Variants in SIPA1L3 observed in about 807,000 individuals in gnomAD.
The protein encoded by SIPA1L3 is signal-induced proliferation-associated 1-like protein 3.
A neutral mutation model predicts 150.1 loss-of-function variants in SIPA1L3; 59 were observed. The ratio of observed to expected loss-of-function variants is 0.39; its 90% CI spans 0.32 to 0.49. The LOEUF (loss-of-function observed/expected upper bound fraction) is 0.49. Among genes scored for constraint, SIPA1L3 ranks in the 20% least tolerant of loss-of-function variants. The pLI is 0.86. For synonymous variants in SIPA1L3, 1,070 were observed against 1,077.6 expected (o/e 0.99, Z 0.14); for missense variants, 2,211 against 2,489.5 (o/e 0.89, Z 2.38).
chr19:38,067,205 C>G (rs1483270856), intron 2 of SIPA1L3, among the ~76,000 whole-genome samples: 2 of 152,154 alleles, frequency 1.3e-5, no homozygotes, highest in Admixed American at 1.3e-4. Context: ...CACCACTGCA[C>G]TCCAGACCAG....
In SIPA1L3 at chr19:38,206,316, C is replaced by G; in HGVS notation, c.*76C>G. The G allele has an allele frequency of 1.4e-6, 2 of 1,465,370 alleles. No individual in the cohort carries two copies. The highest frequency in any genetic ancestry group is 9.1e-7 in the Non-Finnish European group (1 of 1,096,262). 90.8% of individuals were successfully genotyped at this position (1,465,370 alleles called of 1,614,324 possible). A position where few individuals can be genotyped will look rare whatever the true frequency, so the allele number is the denominator to read the frequency against. On this transcript the variant is annotated 3_prime_UTR_variant, in exon 22 of 22. Transcript: ENST00000222345. ...GCTGCCTCTCTCCCTCCACTCAGCT[C>G]CCAGCTGCCGGTGTGACCAAGATGA...
intron 1 of SIPA1L3, among the ~76,000 whole-genome samples, chr19:37,977,635 A>G (rs1029009827): frequency 1.4e-5 from 2 of 147,936 alleles, no homozygotes; most frequent in Non-Finnish European, 3.0e-5. Flanking sequence ...GTCCCCAGGA[A>G]AAGTGGGCTG....
At position 38,005,942 on chromosome 19, in the gene SIPA1L3, G is replaced by A. The variant is rs1967929016; in HGVS notation, c.-378-23147G>A. Among the ~76,000 whole-genome samples, 3 of 152,198 alleles carry A rather than the reference G, an allele frequency of 2.0e-5. No homozygotes were observed. In the South Asian group the frequency reaches 6.2e-4, roughly 32 times the overall value. ...GTGCACCTGTGGTCCCAGCTACTTG[G>A]GAGGCTGAGGGGGGAAGATTGCTTA... On this transcript the variant is annotated intron_variant, in intron 1 of 21. Coordinates refer to ENST00000222345, the MANE Select transcript of SIPA1L3 (RefSeq NM_015073.3).
At chr19:38,118,937 G>A (rs959182718) in intron 8 of SIPA1L3, among the ~76,000 whole-genome samples, 13 of 152,130 alleles carry the variant, frequency 8.5e-5, no homozygotes, top group African/African-American at 2.7e-4. Flanking sequence ...GCTCACAGCT[G>A]TAATCCCAAC....
intron 2 of SIPA1L3, among the ~76,000 whole-genome samples, chr19:38,080,450 T>C (rs1410466300): frequency 6.6e-6 from 1 of 152,002 alleles, no homozygotes. Flanking sequence ...CATTGTAGAG[T>C]AGAGGAGACT....
intron 1 of SIPA1L3, among the ~76,000 whole-genome samples, chr19:38,006,759 G>C (rs1019031502): frequency 6.6e-6 from 1 of 152,076 alleles, no homozygotes; most frequent in African/African-American, 2.4e-5. Flanking sequence ...GAGTATGACC[G>C]GGCACACACC....
chr19:38,163,510 A>C (rs1972139498), intron 14 of SIPA1L3, among the ~76,000 whole-genome samples: 1 of 151,560 alleles, frequency 6.6e-6, no homozygotes, highest in Admixed American at 6.6e-5. Context: ...AAAAAAAAAA[A>C]ACAGTCCAGG....
chr19:38,000,399 C>A (rs913020312), intron 1 of SIPA1L3, among the ~76,000 whole-genome samples: 3 of 143,014 alleles, frequency 2.1e-5, no homozygotes, highest in Non-Finnish European at 4.5e-5. Flanking sequence ...ACCCAGGAGG[C>A]GGAGGTTTCA....
chr19:37,962,463 C>CTTTTTT lies in SIPA1L3; in HGVS notation c.-379+55123_-379+55128dup, dbSNP rs71177491. Among the ~76,000 whole-genome samples, 12 of 73,096 alleles carry CTTTTTT rather than the reference C, an allele frequency of 1.6e-4. 1 individual carries two copies. Among genetic ancestry groups the CTTTTTT allele is most frequent in the African/African-American group, 2.1e-4 (3 of 14,038 alleles). 48.0% of individuals were successfully genotyped at this position (73,096 alleles called of 152,430 possible). On this transcript the variant is annotated intron_variant, in intron 1 of 21. Transcript: ENST00000222345. ...TTGGCCATGAGCCACTGCAGCCGGC[C>CTTTTTT]TTTTTTTTTTTTTTTTTTTTTTTGA...
chr19:38,062,194 C>T (rs1654349), intron 2 of SIPA1L3, among the ~76,000 whole-genome samples: 29,159 of 151,996 alleles, frequency 0.19, 3,071 homozygotes, highest in African/African-American at 0.27. Context: ...TGATCCTAGG[C>T]AATCTGGCTC....
At chr19:38,049,428 G>A (rs1599953428) in intron 2 of SIPA1L3, among the ~76,000 whole-genome samples, 1 of 152,198 alleles carries the variant, frequency 6.6e-6, no homozygotes, top group Non-Finnish European at 1.5e-5. Flanking sequence ...TGTGTGTCCA[G>A]TGTATGGCGT....
At chr19:38,184,798 T>G (rs1174849796) in intron 16 of SIPA1L3, 1 of 152,178 alleles carries the variant, frequency 6.6e-6, no homozygotes, top group Non-Finnish European at 1.5e-5. Context: ...GACTGATGAT[T>G]AAAACTGCTT....
intron 9 of SIPA1L3, 146 bp downstream of exon 9, chr19:38,120,028 C>A (rs1970981594): frequency 1.6e-6 from 1 of 608,964 alleles, no homozygotes; most frequent in African/African-American, 1.8e-5. Flanking sequence ...AACTAGACAT[C>A]TTGTGGGTTC....
chr19:38,026,326 A>G lies in SIPA1L3; in HGVS notation c.-378-2763A>G, dbSNP rs1004641910. ...CATCTCTTTCCCCCATAGTCCCAGT[A>G]TATATCATGGGGCTGGTGTTTACTG... On this transcript the variant is annotated intron_variant, in intron 1 of 21. Coordinates refer to ENST00000222345, the MANE Select transcript of SIPA1L3 (RefSeq NM_015073.3). Among the ~76,000 whole-genome samples, 3 of 152,240 alleles carry G rather than the reference A, an allele frequency of 2.0e-5. No individual in the cohort carries two copies. The East Asian group carries it at 5.8e-4, about 29-fold the overall frequency.
chr19:37,916,571 C>T (rs1015339558), intron 1 of SIPA1L3, among the ~76,000 whole-genome samples: 2 of 151,312 alleles, frequency 1.3e-5, no homozygotes, highest in Non-Finnish European at 2.9e-5. Context: ...ATTTCTTCAC[C>T]TACCCTGTGT....
At chr19:38,177,772 T>C (rs562132840) in intron 15 of SIPA1L3, among the ~76,000 whole-genome samples, 1 of 152,318 alleles carries the variant, frequency 6.6e-6, no homozygotes, top group South Asian at 2.1e-4. Context: ...ATGCCTGTGA[T>C]CCCAGCACCT....
intron 1 of SIPA1L3, among the ~76,000 whole-genome samples, chr19:37,987,424 G>T (rs2145628042): frequency 6.6e-6 from 1 of 152,268 alleles, no homozygotes; most frequent in South Asian, 2.1e-4. Context: ...CTAGACCAGG[G>T]TTTGTGAACC....
At chr19:38,142,537 CA>C (rs1568573373) in intron 11 of SIPA1L3, 35 bp from the exon 12 acceptor site, 1 of 1,578,358 alleles carries the variant, frequency 6.3e-7, no homozygotes, top group Admixed American at 1.7e-5. Flanking sequence ...CCCTCCTACT[CA>C]CCCTCTGCCT....
chr19:38,130,027 G>A (rs1277774295), intron 9 of SIPA1L3, among the ~76,000 whole-genome samples: 5 of 151,358 alleles, frequency 3.3e-5, no homozygotes, highest in African/African-American at 9.7e-5. Flanking sequence ...AGATCATGCC[G>A]CTGCACTTCA....
Sources: allele counts gnomAD v4.1 joint callset (sites outside exome capture counted in the v4.1 genomes callset), GRCh38; gene constraint gnomAD v4.1.1; transcripts MANE v1.5; gene names NCBI Gene and HGNC (gene_info 2026-07-23, HGNC 2026-07-21).